WWOX: variants seen among roughly 807,000 people sequenced by gnomAD.
WWOX encodes WW domain-containing oxidoreductase.
Under a neutral mutation model 46.2 loss-of-function variants are expected in WWOX, and 69 were observed. The ratio of observed to expected loss-of-function variants is 1.49; its 90% CI spans 1.23 to 1.82. The LOEUF is 1.82. WWOX is among the 40% of genes most tolerant of loss of function. WWOX has a pLI of 0.00. For missense variants in WWOX, 919 were observed against 542.6 expected, an observed-to-expected ratio of 1.69 and a Z score of -6.89; for synonymous variants, 359 against 202.6, an observed-to-expected ratio of 1.77 and a Z score of -6.56.
intron 5 of WWOX, among the ~76,000 whole-genome samples, chr16:78,313,110 G>A (rs1257383554): frequency 1.3e-5 from 2 of 152,166 alleles, no homozygotes; most frequent in Non-Finnish European, 2.9e-5. Flanking sequence ...AGAATAACAG[G>A]AAAATCCACC....
At chr16:78,469,704 C>T (rs949017716) in intron 8 of WWOX, among the ~76,000 whole-genome samples, 1 of 152,280 alleles carries the variant, frequency 6.6e-6, no homozygotes, top group East Asian at 1.9e-4. Flanking sequence ...GACAACCAGG[C>T]TGGGCCATGG....
At chr16:78,617,747 A>G (rs1300318154) in intron 8 of WWOX, among the ~76,000 whole-genome samples, 1 of 152,108 alleles carries the variant, frequency 6.6e-6, no homozygotes, top group Non-Finnish European at 1.5e-5. Context: ...TTTCTGTGCC[A>G]TCTTGGGCAT....
intron 8 of WWOX, among the ~76,000 whole-genome samples, chr16:78,853,264 A>T (rs2052491947): frequency 6.6e-6 from 1 of 152,122 alleles, no homozygotes; most frequent in African/African-American, 2.4e-5. Flanking sequence ...TCTGTCATCC[A>T]GGCTGGAGTG....
At chr16:78,511,544 G>A (rs2151487271) in intron 8 of WWOX, among the ~76,000 whole-genome samples, 1 of 152,266 alleles carries the variant, frequency 6.6e-6, no homozygotes, top group East Asian at 1.9e-4. Context: ...TGAACAAAAT[G>A]GATTCGAGTG....
intron 8 of WWOX, among the ~76,000 whole-genome samples, chr16:78,477,657 A>T (rs2084384195): frequency 6.6e-6 from 1 of 152,184 alleles, no homozygotes; most frequent in African/African-American, 2.4e-5. Context: ...CATATCATAT[A>T]TATAAATCAT....
intron 8 of WWOX, among the ~76,000 whole-genome samples, chr16:78,565,404 A>G (rs2151564660): frequency 1.3e-5 from 2 of 152,298 alleles, no homozygotes; most frequent in African/African-American, 4.8e-5. Context: ...GGCCTCCTGC[A>G]TTCCTTGGCT....
chr16:78,743,646 A>C (rs2049282223), intron 8 of WWOX, among the ~76,000 whole-genome samples: 1 of 152,162 alleles, frequency 6.6e-6, no homozygotes, highest in Non-Finnish European at 1.5e-5. Context: ...TTGCAGATGG[A>C]AAATTGAAAG....
At chr16:78,389,941 G>T (rs1872124522) in intron 6 of WWOX, among the ~76,000 whole-genome samples, 1 of 152,124 alleles carries the variant, frequency 6.6e-6, no homozygotes, top group African/African-American at 2.4e-5. Flanking sequence ...GTAGAGATGA[G>T]GTTTCACCAT....
At chr16:79,169,617 G>A (rs2050661576) in intron 8 of WWOX, among the ~76,000 whole-genome samples, 1 of 152,196 alleles carries the variant, frequency 6.6e-6, no homozygotes. Context: ...CACACAAATA[G>A]CTAAAGACAG....
chr16:79,200,401 T>C (rs1333433582), intron 8 of WWOX, among the ~76,000 whole-genome samples: 1 of 152,282 alleles, frequency 6.6e-6, no homozygotes, highest in African/African-American at 2.4e-5. Context: ...GTTAGAACAT[T>C]ACACGTCAAC....
At chr16:78,985,312 C>T (rs758466246) in intron 8 of WWOX, among the ~76,000 whole-genome samples, 8 of 152,294 alleles carry the variant, frequency 5.3e-5, no homozygotes, top group Non-Finnish European at 8.8e-5. Context: ...CAGTTCAGCC[C>T]GTAAATCTGT....
chr16:78,581,063 GA>G (rs1381122922), intron 8 of WWOX, among the ~76,000 whole-genome samples: 2 of 151,928 alleles, frequency 1.3e-5, no homozygotes, highest in Non-Finnish European at 2.9e-5. Context: ...TAGAGTGGTT[GA>G]TTTTTTTTTT....
At chr16:78,799,847 A>C (rs1026662270) in intron 8 of WWOX, among the ~76,000 whole-genome samples, 4 of 152,174 alleles carry the variant, frequency 2.6e-5, no homozygotes, top group Admixed American at 6.5e-5. Flanking sequence ...ACAAATTTTA[A>C]ATGCATATTA....
intron 1 of WWOX, among the ~76,000 whole-genome samples, chr16:78,101,129 C>G (rs1233489689): frequency 1.4e-4 from 21 of 151,412 alleles, no homozygotes; most frequent in Non-Finnish European, 2.5e-4. Flanking sequence ...CTCACTGCAG[C>G]CTCCGCCTCC....
At chr16:78,503,248 C>T (rs1045818111) in intron 8 of WWOX, among the ~76,000 whole-genome samples, 4 of 152,006 alleles carry the variant, frequency 2.6e-5, no homozygotes, top group East Asian at 1.9e-4. Flanking sequence ...GTCTTCCATC[C>T]GCTGGTAAAA....
rs535843372 is a variant in WWOX, at chr16:78,163,562, T to A, written c.410-621T>A. 2.6e-5 allele frequency among the ~76,000 whole-genome samples: 4 copies of A among 152,352 alleles called. No individual in the cohort carries two copies. In the South Asian group the frequency reaches 8.3e-4, roughly 32 times the overall value. On this transcript the variant is annotated intron_variant, in intron 4 of 8. Transcript: ENST00000566780. ...GAAAAAAGCTGCCAAATGCTGGCCT[T>A]GCAGTTTTTGCAGATCTTGGCCCCC... is the stretch of plus-strand genomic sequence containing the variant.
chr16:79,094,218 C>G (rs2049022465), intron 8 of WWOX, among the ~76,000 whole-genome samples: 1 of 151,234 alleles, frequency 6.6e-6, no homozygotes, highest in African/African-American at 2.4e-5. Flanking sequence ...TGCCAGCGCT[C>G]TCGTCTGCAT....
intron 8 of WWOX, among the ~76,000 whole-genome samples, chr16:78,847,505 T>C (rs1597714649): frequency 6.6e-6 from 1 of 152,168 alleles, no homozygotes; most frequent in East Asian, 1.9e-4. Context: ...TCTTTGTTTT[T>C]TTCTTTTTGT....
At chr16:78,400,096 G>A (rs890502718) in intron 6 of WWOX, among the ~76,000 whole-genome samples, 8 of 151,956 alleles carry the variant, frequency 5.3e-5, no homozygotes, top group Non-Finnish European at 1.5e-5. Context: ...AACATAAACG[G>A]GACCTCTCAA....
Sources: gnomAD v4.1 joint callset for allele counts (sites outside exome capture counted in the v4.1 genomes callset) on GRCh38, gnomAD v4.1.1 for gene constraint, MANE v1.5 for transcripts, NCBI Gene and HGNC (gene_info 2026-07-23, HGNC 2026-07-21) for gene names.